SLC38A4: variants seen among roughly 807,000 people sequenced by gnomAD.
SLC38A4 encodes sodium-coupled neutral amino acid transporter 4.
SLC38A4 carries 20 observed loss-of-function variants against 63.1 expected under a neutral mutation model. That is an observed-to-expected ratio of 0.32 (90% CI 0.22 to 0.46). The LOEUF (loss-of-function observed/expected upper bound fraction) is 0.46. Ranked by LOEUF, SLC38A4 falls within the 20% of genes least tolerant of loss-of-function variation. The pLI is 1.00. For synonymous variants in SLC38A4, 230 were observed against 225.5 expected (o/e 1.02, Z -0.18); for missense variants, 526 against 663.6 (o/e 0.79, Z 2.28).
At position 46,764,804 on chromosome 12, in the gene SLC38A4, T is replaced by C. The variant is rs779303460; in HGVS notation, c.*1897A>G. 5.2e-5 allele frequency: 8 copies of C among 152,540 alleles called. No homozygotes were observed. Among genetic ancestry groups the C allele is most frequent in the Non-Finnish European group, 7.4e-5 (5 of 67,994 alleles). 9.4% of individuals were successfully genotyped at this position (152,540 alleles called of 1,614,324 possible). A position where few individuals can be genotyped will look rare whatever the true frequency, so the allele number is the denominator to read the frequency against. ...TTATTATATACCAATATACACTTTC[T>C]GTAATAAAAAAGAAGCCTCCCAATA... On this transcript the variant is annotated 3_prime_UTR_variant, in exon 17 of 17. Coordinates refer to ENST00000266579, the MANE Select transcript of SLC38A4 (RefSeq NM_018018.5).
At chr12:46,809,947 G>A (rs978313695) in intron 1 of SLC38A4, among the ~76,000 whole-genome samples, 2 of 151,968 alleles carry the variant, frequency 1.3e-5, no homozygotes, top group African/African-American at 4.8e-5. Context: ...CTGAATGAAT[G>A]AAAATCTTTA....
intron 1 of SLC38A4, among the ~76,000 whole-genome samples, chr12:46,821,690 A>T (rs950728585): frequency 3.3e-5 from 5 of 152,134 alleles, no homozygotes; most frequent in Non-Finnish European, 7.4e-5. Flanking sequence ...TCATGGTTCC[A>T]TATAAATTTT....
At chr12:46,824,295 T>C (rs1465179445) in intron 1 of SLC38A4, 1 of 152,262 alleles carries the variant, frequency 6.6e-6, no homozygotes, top group Non-Finnish European at 1.5e-5. Flanking sequence ...CCTTATTGTC[T>C]AAGTACATAC....
At position 46,766,523 on chromosome 12, in the gene SLC38A4, C is replaced by T; in HGVS notation, c.*178G>A. The T allele has an allele frequency of 1.5e-6, 1 of 683,378 alleles. No homozygotes were observed. Among genetic ancestry groups the T allele is most frequent in the Non-Finnish European group, 2.7e-6 (1 of 372,574 alleles). 42.3% of individuals were successfully genotyped at this position (683,378 alleles called of 1,614,324 possible). A position where few individuals can be genotyped will look rare whatever the true frequency, so the allele number is the denominator to read the frequency against. On this transcript the variant is annotated 3_prime_UTR_variant, in exon 17 of 17. Transcript: ENST00000266579. Reference sequence around the variant, plus strand: ...TTATTTTAAACACATACACAACCATCCTTGACAAAAACAGTGATTTTCCTC... The same window carrying T: ...TTATTTTAAACACATACACAACCATTCTTGACAAAAACAGTGATTTTCCTC...
intron 12 of SLC38A4, 53 bp downstream of exon 12, chr12:46,778,236 A>T (rs1444193168): frequency 6.5e-7 from 1 of 1,539,630 alleles, no homozygotes; most frequent in Non-Finnish European, 9.0e-7. Flanking sequence ...ATCTTTGAAC[A>T]TATGAGCAGA....
chr12:46,793,013 C>G lies in SLC38A4; in HGVS notation c.59G>C (p.Gly20Ala). The G allele has an allele frequency of 6.2e-7, 1 of 1,613,396 alleles. No homozygotes were observed. The highest frequency in any genetic ancestry group is 8.5e-7 in the Non-Finnish European group (1 of 1,179,516). Residue 20 changes from glycine (G) to alanine (A), a missense_variant, in exon 3 of 17, where the codon GGA becomes GCA. Coordinates refer to ENST00000266579, the MANE Select transcript of SLC38A4 (RefSeq NM_018018.5). ...GATGTAGCTATCTGGAGCACTTTCT[C>G]CACTGCTGCTCTCATCATCTGGTTC... ...NIEPDDESSSGESAPDSYIGI... is the reference protein window; with the variant it reads ...NIEPDDESSSAESAPDSYIGI...
rs776473793 is a variant in SLC38A4 at position 46,768,416 on chromosome 12, AC to A, written c.1445-10del. 1 of 1,603,766 alleles carries A rather than the reference AC, an allele frequency of 6.2e-7. No homozygotes were observed. Among genetic ancestry groups the A allele is most frequent in the African/African-American group, 1.3e-5 (1 of 74,594 alleles). ...AGTGGCAGAAGAAGCCCCTGAGAAG[AC>A]AAACACAGGGCAAGGTCAATGTCTT... On this transcript the variant is annotated splice_polypyrimidine_tract_variant and intron_variant, in intron 15 of 16. Transcript: ENST00000266579.
At chr12:46,805,071 C>T (rs895947977) in intron 1 of SLC38A4, among the ~76,000 whole-genome samples, 2 of 151,888 alleles carry the variant, frequency 1.3e-5, no homozygotes, top group African/African-American at 4.8e-5. Context: ...AATGAATGCA[C>T]TCCAATATGT....
intron 1 of SLC38A4, among the ~76,000 whole-genome samples, chr12:46,820,723 T>C (rs1422796357): frequency 6.6e-6 from 1 of 152,018 alleles, no homozygotes; most frequent in East Asian, 1.9e-4. Flanking sequence ...CATATAGTAG[T>C]TCTATTTTTC....
In SLC38A4 at chr12:46,831,446, A is replaced by T. The variant is rs571816455; in HGVS notation, c.-108+881T>A. On this transcript the variant is annotated intron_variant, in intron 1 of 6. Coordinates refer to the SLC38A4 transcript ENST00000546940. ...GGCTTCTCTTAGCTCGGTTGCCGCG[A>T]CCCCACTATCCGTCCCCGTTCGCAT... Among the ~76,000 whole-genome samples the T allele has an allele frequency of 1.1e-3, 162 of 151,440 alleles. 2 individuals carry two copies. The highest frequency in any genetic ancestry group is 5.5e-4 in the Non-Finnish European group (37 of 67,824).
chr12:46,766,494 G>C lies in SLC38A4; in HGVS notation c.*207C>G. The C allele has an allele frequency of 1.5e-6, 1 of 654,726 alleles. No homozygotes were observed. The highest frequency in any genetic ancestry group is 2.8e-6 in the Non-Finnish European group (1 of 354,190). 40.6% of individuals were successfully genotyped at this position (654,726 alleles called of 1,614,324 possible). On this transcript the variant is annotated 3_prime_UTR_variant, in exon 17 of 17. Transcript: ENST00000266579. ...AACCTGGGTAGAAATGTGCACCACAGGTTTTATTTTAAACACATACACAAC... is the reference window on the plus strand; with the variant it reads ...AACCTGGGTAGAAATGTGCACCACACGTTTTATTTTAAACACATACACAAC...
At chr12:46,769,162 T>C in intron 15 of SLC38A4, 122 bp downstream of exon 15, 1 of 1,112,996 alleles carries the variant, frequency 9.0e-7, no homozygotes, top group Non-Finnish European at 1.3e-6. Context: ...CTCTCAGGGA[T>C]AAAGGGAATC....
At chr12:46,815,841 G>A (rs1939432115) in intron 1 of SLC38A4, among the ~76,000 whole-genome samples, 1 of 151,854 alleles carries the variant, frequency 6.6e-6, no homozygotes, top group South Asian at 2.1e-4. Flanking sequence ...AGGTCCCCAG[G>A]AGAGATGGCT....
At chr12:46,788,447 T>C in intron 4 of SLC38A4, 81 bp downstream of exon 4, 1 of 1,135,740 alleles carries the variant, frequency 8.8e-7, no homozygotes, top group South Asian at 1.3e-5. Context: ...AAAATTTCAG[T>C]CACATTGTTT....
At chr12:46,809,845 G>A (rs1277391512) in intron 1 of SLC38A4, among the ~76,000 whole-genome samples, 1 of 151,970 alleles carries the variant, frequency 6.6e-6, no homozygotes, top group Non-Finnish European at 1.5e-5. Flanking sequence ...TGTTTAGATG[G>A]CCGATTTGCA....
At chr12:46,797,134 C>T (rs965605963) in intron 2 of SLC38A4, among the ~76,000 whole-genome samples, 1 of 152,106 alleles carries the variant, frequency 6.6e-6, no homozygotes, top group Non-Finnish European at 1.5e-5. Flanking sequence ...CCCCATTCTT[C>T]CAGTCCACTC....
intron 1 of SLC38A4, among the ~76,000 whole-genome samples, chr12:46,811,234 G>A (rs1939334891): frequency 6.6e-6 from 1 of 151,950 alleles, no homozygotes. Flanking sequence ...TCTTTCAAGT[G>A]AATTCATTGC....
chr12:46,808,655 C>T (rs1939283298), intron 1 of SLC38A4, among the ~76,000 whole-genome samples: 1 of 151,998 alleles, frequency 6.6e-6, no homozygotes, highest in South Asian at 2.1e-4. Context: ...AAAAGTATCA[C>T]AAGTTCATTT....
chr12:46,778,843 C>G (rs1253323579), intron 10 of SLC38A4, 67 bp from the exon 11 acceptor site: 26 of 1,472,278 alleles, frequency 1.8e-5, no homozygotes, highest in Non-Finnish European at 2.4e-5. Context: ...AATAAGAATC[C>G]ATATGTGTGG....
Sources: allele counts gnomAD v4.1 joint callset (sites outside exome capture counted in the v4.1 genomes callset), GRCh38; gene constraint gnomAD v4.1.1; transcripts MANE v1.5; gene names NCBI Gene and HGNC (gene_info 2026-07-23, HGNC 2026-07-21).